The following LINGO2 variants were observed in gnomAD, a reference collection of about 807,000 sequenced individuals.
The protein encoded by LINGO2 is leucine-rich repeat and immunoglobulin-like domain-containing nogo receptor-interacting protein 2.
Under a neutral mutation model 30.6 loss-of-function variants are expected in LINGO2, and 14 were observed. The ratio of observed to expected loss-of-function variants is 0.46; its 90% CI spans 0.30 to 0.72. The LOEUF (loss-of-function observed/expected upper bound fraction) is 0.72. Ranked by LOEUF, LINGO2 falls within the 30% of genes least tolerant of loss-of-function variation. The pLI is 0.07. For synonymous variants in LINGO2, 317 were observed against 288.5 expected (o/e 1.10, Z -1.00); for missense variants, 729 against 751.7 (o/e 0.97, Z 0.35).
the LINGO2 span, among the ~76,000 whole-genome samples, chr9:28,868,018 T>C: frequency 0.061 from 9,264 of 152,204 alleles, 935 homozygotes; most frequent in African/African-American, 0.21. Context: ...GTTTTCAGGA[T>C]TTTATGTAAA....
intron 2 of LINGO2, among the ~76,000 whole-genome samples, chr9:28,393,309 T>C (rs1821909781): frequency 6.6e-6 from 1 of 152,208 alleles, no homozygotes; most frequent in African/African-American, 2.4e-5. Context: ...TAAGCACACT[T>C]TGTATTATCT....
chr9:28,369,580 C>A (rs1016167789), intron 3 of LINGO2, among the ~76,000 whole-genome samples: 1 of 152,000 alleles, frequency 6.6e-6, no homozygotes, highest in Non-Finnish European at 1.5e-5. Context: ...CATAGGAAAA[C>A]CTAGAAAGAT....
At chr9:28,166,093 C>T (rs995368936) in intron 4 of LINGO2, among the ~76,000 whole-genome samples, 1 of 152,198 alleles carries the variant, frequency 6.6e-6, no homozygotes, top group Non-Finnish European at 1.5e-5. Flanking sequence ...CATGTATTTA[C>T]TCATTCATTA....
chr9:28,557,490 G>T (rs1822785437), intron 1 of LINGO2, among the ~76,000 whole-genome samples: 1 of 151,590 alleles, frequency 6.6e-6, no homozygotes, highest in Non-Finnish European at 1.5e-5. Context: ...TAAAAAGTCA[G>T]AAAACGACAG....
At chr9:28,494,185 C>T (rs534619594) in intron 1 of LINGO2, among the ~76,000 whole-genome samples, 2 of 152,106 alleles carry the variant, frequency 1.3e-5, no homozygotes, top group South Asian at 4.2e-4. Context: ...CACAAAAACA[C>T]AATTACCTTT....
intron 2 of LINGO2, among the ~76,000 whole-genome samples, chr9:28,408,658 T>A (rs960944976): frequency 6.7e-6 from 1 of 150,262 alleles, no homozygotes; most frequent in African/African-American, 2.5e-5. Context: ...TTAGGAGATA[T>A]ACCTAATGCT....
At chr9:28,431,106 C>T (rs115385115) in intron 2 of LINGO2, among the ~76,000 whole-genome samples, 1 of 149,632 alleles carries the variant, frequency 6.7e-6, no homozygotes, top group Admixed American at 6.6e-5. Flanking sequence ...TTCTTAATAA[C>T]CTAATCTCAA....
chr9:28,330,781 C>T (rs971056389), intron 3 of LINGO2, among the ~76,000 whole-genome samples: 1 of 152,088 alleles, frequency 6.6e-6, no homozygotes, highest in Non-Finnish European at 1.5e-5. Flanking sequence ...GTGGTATACT[C>T]TTCTCCCGTT....
At chr9:28,884,981 A>T in the LINGO2 span, among the ~76,000 whole-genome samples, 2 of 5,148 alleles carry the variant, frequency 3.9e-4, no homozygotes, top group African/African-American at 1.2e-3. Context: ...AATATATATA[A>T]TATATAATAA....
chr9:27,950,323 G>A (rs761678105), exon 6 of LINGO2: 5 of 1,614,166 alleles, frequency 3.1e-6, no homozygotes, highest in Non-Finnish European at 3.4e-6. Flanking sequence ...ACCAGCTTTA[G>A]ACGATTGCCT....
the LINGO2 span, among the ~76,000 whole-genome samples, chr9:28,931,817 G>C: frequency 6.6e-6 from 1 of 152,004 alleles, no homozygotes; most frequent in Non-Finnish European, 1.5e-5. Flanking sequence ...TGCTTCAAAA[G>C]GCAGTGGCGG....
the LINGO2 span, among the ~76,000 whole-genome samples, chr9:28,784,471 TC>T: frequency 6.6e-6 from 1 of 152,208 alleles, no homozygotes; most frequent in Non-Finnish European, 1.5e-5. Context: ...CCTAATTTTC[TC>T]ATCAATACAA....
In LINGO2 at chr9:28,147,945, G is replaced by A. The variant is rs1262958248; in HGVS notation, c.-86-135540C>T. ...TGGGTGACTTAGGAGTATCCTCTCC[G>A]CTTCTGACCCTTGGTTTCGTCTGTG... On this transcript the variant is annotated intron_variant, in intron 4 of 5. Coordinates refer to ENST00000379992, the Ensembl canonical transcript of LINGO2. This position sits in a 1 kb window ranked among gnomAD's most constrained non-coding sequence, Gnocchi z 4.7. 1.3e-5 allele frequency among the ~76,000 whole-genome samples: 2 copies of A among 152,144 alleles called. No homozygotes were observed. Among genetic ancestry groups the A allele is most frequent in the East Asian group, 3.9e-4 (2 of 5,180 alleles).
chr9:28,001,105 AT>A (rs1233031097), intron 5 of LINGO2, among the ~76,000 whole-genome samples: 2 of 152,196 alleles, frequency 1.3e-5, no homozygotes, highest in African/African-American at 4.8e-5. Flanking sequence ...TTTTAAAGGA[AT>A]TTTCTTAATC....
At chr9:28,807,424 T>C in the LINGO2 span, among the ~76,000 whole-genome samples, 1 of 152,208 alleles carries the variant, frequency 6.6e-6, no homozygotes, top group Admixed American at 6.5e-5. Flanking sequence ...TAACTCAATA[T>C]GATTTCATTT....
intron 3 of LINGO2, among the ~76,000 whole-genome samples, chr9:28,335,156 G>T (rs1825549787): frequency 6.6e-6 from 1 of 152,166 alleles, no homozygotes; most frequent in African/African-American, 2.4e-5. Flanking sequence ...TGAGGCAGAG[G>T]ATCAATGCTG....
At chr9:28,815,215 G>A in the LINGO2 span, among the ~76,000 whole-genome samples, 1 of 152,212 alleles carries the variant, frequency 6.6e-6, no homozygotes, top group Non-Finnish European at 1.5e-5. Context: ...TCAGTTGTAA[G>A]TGATAGGTGA....
chr9:28,614,026 A>G (rs933742029), intron 1 of LINGO2, among the ~76,000 whole-genome samples: 1 of 152,178 alleles, frequency 6.6e-6, no homozygotes, highest in Non-Finnish European at 1.5e-5. Context: ...GCAAAGGGCT[A>G]TAATTTGACT....
chr9:29,114,442 G>A, the LINGO2 span, among the ~76,000 whole-genome samples: 1 of 148,734 alleles, frequency 6.7e-6, no homozygotes, highest in Admixed American at 6.7e-5. Flanking sequence ...TAGGATACAT[G>A]TGCACAATGC....
Sources: gnomAD v4.1 joint callset for allele counts (sites outside exome capture counted in the v4.1 genomes callset) on GRCh38, gnomAD v4.1.1 for gene constraint, Gnocchi (gnomAD v3.1) non-coding constraint, MANE v1.5 for transcripts, NCBI Gene and HGNC (gene_info 2026-07-23, HGNC 2026-07-21) for gene names.